Variants in GPBP1 observed in about 807,000 individuals in gnomAD.
GPBP1 encodes the protein vasculin.
GPBP1 carries 13 observed loss-of-function variants against 56.5 expected under a neutral mutation model. The observed-to-expected ratio is 0.23, with a 90% CI of 0.15 to 0.37. The LOEUF (loss-of-function observed/expected upper bound fraction) is 0.37, where lower values mean the gene tolerates loss of function less well. GPBP1 is among the 10% of genes least tolerant of loss of function. The probability of loss-of-function intolerance (pLI) is 1.00; values close to 1 mark genes in which losing one functional copy is unlikely to be tolerated. For missense variants in GPBP1, 477 were observed against 572.3 expected (o/e 0.83, Z 1.70); for synonymous variants, 204 against 188.9 (o/e 1.08, Z -0.66).
Position 57,261,173 on chromosome 5 carries a change from T to C in GPBP1, c.1161-7T>C. On this transcript the variant is annotated splice_polypyrimidine_tract_variant and splice_region_variant and intron_variant, in intron 10 of 11. Coordinates refer to ENST00000506184, the MANE Select transcript of GPBP1 (RefSeq NM_022913.4). ...TTACATTAAACTTAATTTCCTCTCC[T>C]TTTCAGATTGTTAAAGGAAATGGGC... The C allele has an allele frequency of 6.3e-7, 1 of 1,585,204 alleles. No homozygotes were observed. The highest frequency in any genetic ancestry group is 8.7e-7 in the Non-Finnish European group (1 of 1,153,948).
chr5:57,193,899 A>G (rs1754637410), intron 2 of GPBP1, among the ~76,000 whole-genome samples: 2 of 152,208 alleles, frequency 1.3e-5, no homozygotes, highest in South Asian at 4.1e-4. Context: ...AAGGTGTACC[A>G]CAAGAGGTTT....
chr5:57,192,087 C>T (rs936655316), intron 2 of GPBP1, among the ~76,000 whole-genome samples: 3 of 152,088 alleles, frequency 2.0e-5, no homozygotes, highest in African/African-American at 7.2e-5. Context: ...CTTGCAAGGA[C>T]GTTATTTACT....
chr5:57,196,217 G>C (rs1410258745), intron 2 of GPBP1, among the ~76,000 whole-genome samples: 1 of 151,882 alleles, frequency 6.6e-6, no homozygotes, highest in Non-Finnish European at 1.5e-5. Context: ...GGCCAGGCTG[G>C]TCTCGAAGTC....
Position 57,264,480 on chromosome 5 carries a change from T to C in GPBP1, c.*1728T>C, listed in dbSNP as rs1237693832. On this transcript the variant is annotated 3_prime_UTR_variant, in exon 12 of 12. Coordinates refer to ENST00000506184, the MANE Select transcript of GPBP1 (RefSeq NM_022913.4). ...GGAACCTGAGGAATGTGGTTTACAT[T>C]TGAGATCCACCTTACTGTGTTTTCT... 5 of 152,176 alleles carry C rather than the reference T, an allele frequency of 3.3e-5. No individual in the cohort carries two copies. Among genetic ancestry groups the C allele is most frequent in the Admixed American group, 6.5e-5 (1 of 15,274 alleles). 9.4% of individuals were successfully genotyped at this position (152,176 alleles called of 1,614,324 possible).
intron 10 of GPBP1, among the ~76,000 whole-genome samples, chr5:57,256,193 G>A (rs188502365): frequency 6.6e-6 from 1 of 152,174 alleles, no homozygotes; most frequent in East Asian, 1.9e-4. Flanking sequence ...GAGGTGAGGT[G>A]GCAGTGAGCT....
intron 6 of GPBP1, among the ~76,000 whole-genome samples, chr5:57,238,358 A>T (rs1005018832): frequency 6.6e-6 from 1 of 152,136 alleles, no homozygotes; most frequent in African/African-American, 2.4e-5. Flanking sequence ...CCTGAGGTCG[A>T]CACCAGCCTG....
At chr5:57,244,383 G>T (rs917674648) in intron 6 of GPBP1, among the ~76,000 whole-genome samples, 2 of 152,196 alleles carry the variant, frequency 1.3e-5, no homozygotes, top group Non-Finnish European at 2.9e-5. Context: ...TCTAGAAGAA[G>T]ATAAACTTGT....
intron 6 of GPBP1, among the ~76,000 whole-genome samples, chr5:57,237,718 A>G (rs1244914962): frequency 6.6e-6 from 1 of 152,068 alleles, no homozygotes; most frequent in Non-Finnish European, 1.5e-5. Context: ...TGTTTTCCCT[A>G]TTGCAACATT....
intron 2 of GPBP1, among the ~76,000 whole-genome samples, chr5:57,188,636 G>T (rs1754391464): frequency 6.6e-6 from 1 of 152,038 alleles, no homozygotes; most frequent in African/African-American, 2.4e-5. Context: ...CCAGCTACTC[G>T]GGAGGCTGAG....
At chr5:57,207,575 T>C (rs1406788012) in intron 2 of GPBP1, among the ~76,000 whole-genome samples, 3 of 152,218 alleles carry the variant, frequency 2.0e-5, no homozygotes, top group African/African-American at 7.2e-5. Flanking sequence ...ATAGGCGGCT[T>C]GTGTTAGCTC....
At chr5:57,191,099 C>CTT (rs564844488) in intron 2 of GPBP1, among the ~76,000 whole-genome samples, 2 of 146,142 alleles carry the variant, frequency 1.4e-5, no homozygotes, top group African/African-American at 5.0e-5. Flanking sequence ...TTTTTCTTTT[C>CTT]TTTTTTTTTT....
At chr5:57,177,435 A>T (rs1270937112) in intron 2 of GPBP1, among the ~76,000 whole-genome samples, 3 of 152,026 alleles carry the variant, frequency 2.0e-5, no homozygotes, top group Non-Finnish European at 4.4e-5. Context: ...GTATAACTAA[A>T]ATTAGAGGGT....
chr5:57,183,869 A>T (rs1330801864), intron 2 of GPBP1, among the ~76,000 whole-genome samples: 1 of 150,208 alleles, frequency 6.7e-6, no homozygotes, highest in Non-Finnish European at 1.5e-5. Flanking sequence ...CCTCCCAGAC[A>T]CAGGTGATCC....
chr5:57,261,797 T>A (rs1202293142), intron 11 of GPBP1, among the ~76,000 whole-genome samples: 1 of 152,250 alleles, frequency 6.6e-6, no homozygotes, highest in East Asian at 1.9e-4. Flanking sequence ...ACATCTTGCT[T>A]AATGTCTCCC....
Position 57,191,542 on chromosome 5 carries a change from A to G in GPBP1, c.-58+15142A>G, listed in dbSNP as rs1004791303. On this transcript the variant is annotated intron_variant, in intron 2 of 11. Coordinates refer to ENST00000506184, the MANE Select transcript of GPBP1 (RefSeq NM_022913.4). ...TTGCTCTCAGGTTCAAAGAAACAAA[A>G]TACATTTATCTTTAGGTTTTTTTTT... Among the ~76,000 whole-genome samples, 13 of 145,366 alleles carry G rather than the reference A, an allele frequency of 8.9e-5. No homozygotes were observed. The Admixed American group carries it at 9.4e-4, about 11-fold the overall frequency.
intron 2 of GPBP1, among the ~76,000 whole-genome samples, chr5:57,211,641 T>C (rs1455903639): frequency 6.6e-6 from 1 of 152,118 alleles, no homozygotes; most frequent in Non-Finnish European, 1.5e-5. Flanking sequence ...TGGAGTGCAA[T>C]GGCGCGATCT....
intron 11 of GPBP1, among the ~76,000 whole-genome samples, chr5:57,261,725 T>A (rs1741904258): frequency 6.6e-6 from 1 of 152,224 alleles, no homozygotes; most frequent in Non-Finnish European, 1.5e-5. Context: ...AGAGTGTTAG[T>A]AGCTTCCTAA....
At chr5:57,205,766 T>C (rs1755206827) in intron 2 of GPBP1, among the ~76,000 whole-genome samples, 1 of 151,970 alleles carries the variant, frequency 6.6e-6, no homozygotes, top group South Asian at 2.1e-4. Flanking sequence ...TTATTTATTT[T>C]ATTTATATAT....
At position 57,262,520 on chromosome 5, in the gene GPBP1, T is replaced by A. The variant is rs1741945956; in HGVS notation, c.1264-74T>A. ...TGGGTTAGGATACAATTTTATTATATTCATGCTTATATTATTACAGTAGGT... is the reference window on the plus strand; with the variant it reads ...TGGGTTAGGATACAATTTTATTATAATCATGCTTATATTATTACAGTAGGT... On this transcript the variant is annotated intron_variant, in intron 11 of 11. Transcript: ENST00000506184. The A allele has an allele frequency of 1.4e-5, 16 of 1,149,782 alleles. No individual in the cohort carries two copies. The South Asian group carries it at 2.1e-4, about 15-fold the overall frequency. 71.2% of individuals were successfully genotyped at this position (1,149,782 alleles called of 1,614,324 possible).
Sources: allele counts gnomAD v4.1 joint callset (sites outside exome capture counted in the v4.1 genomes callset), GRCh38; gene constraint gnomAD v4.1.1; transcripts MANE v1.5; gene names NCBI Gene and HGNC (gene_info 2026-07-23, HGNC 2026-07-21).